The following ATAD3C variants were observed in gnomAD, a reference collection of about 807,000 sequenced individuals.
ATAD3C encodes the protein ATPase family AAA domain-containing protein 3C.
Under a neutral mutation model 46.3 loss-of-function variants are expected in ATAD3C, and 38 were observed. That is an observed-to-expected ratio of 0.82 (90% CI 0.63 to 1.08). The LOEUF (loss-of-function observed/expected upper bound fraction) is 1.08. ATAD3C is among the 50% of genes least tolerant of loss of function. The pLI is 0.00. For synonymous variants in ATAD3C, 220 were observed against 236.4 expected (o/e 0.93, Z 0.63); for missense variants, 563 against 572.7 (o/e 0.98, Z 0.17).
rs1639080719 is a variant in ATAD3C, at chr1:1,462,241, T to C, written c.981-359T>C. ...CCCTGGGCTCCCCGACACCCATGGC[T>C]GCTCGTAGCTCTGGCACCATGACCT... On this transcript the variant is annotated intron_variant, in intron 10 of 11. Coordinates refer to ENST00000378785, the MANE Select transcript of ATAD3C (RefSeq NM_001039211.3). This position sits in a 1 kb window ranked among gnomAD's most constrained non-coding sequence, Gnocchi z 4.5. 6.6e-6 allele frequency among the ~76,000 whole-genome samples: 1 copy of C among 152,070 alleles called. No individual in the cohort carries two copies. Among genetic ancestry groups the C allele is most frequent in the South Asian group, 2.1e-4 (1 of 4,816 alleles).
rs146556029 is a variant in ATAD3C at position 1,466,340 on chromosome 1, G to A, written c.1090-2044G>A. The stretch of plus-strand genomic sequence containing the variant: ...AGGCGGGTGGGTCATGAGGTCAGGA[G>A]ACTGAGACCATCCTGGCCTGGCTAA... On this transcript the variant is annotated intron_variant, in intron 11 of 11. Transcript: ENST00000378785. Among the ~76,000 whole-genome samples, 64 of 151,452 alleles carry A rather than the reference G, an allele frequency of 4.2e-4. No homozygotes were observed. In the South Asian group the frequency reaches 8.6e-3, roughly 20 times the overall value.
At position 1,462,386 on chromosome 1, in the gene ATAD3C, G is replaced by A. The variant is rs1557780970; in HGVS notation, c.981-214G>A. 2 of 504,530 alleles carry A rather than the reference G, an allele frequency of 4.0e-6. No individual in the cohort carries two copies. The highest frequency in any genetic ancestry group is 3.8e-5 in the East Asian group (1 of 26,090). 31.3% of individuals were successfully genotyped at this position (504,530 alleles called of 1,614,324 possible). ...GACAGGGCTGGTGTTAGGAAGGGGT[G>A]CGGCCATCTCCAGGCCCCACAGCCG... On this transcript the variant is annotated intron_variant, in intron 10 of 11. Coordinates refer to ENST00000378785, the MANE Select transcript of ATAD3C (RefSeq NM_001039211.3). The surrounding 1 kb of genome is among the most constrained non-coding windows in gnomAD (Gnocchi z 4.5).
rs1268702991 is a variant in ATAD3C at position 1,449,816 on chromosome 1, A to G, written c.-868A>G. On this transcript the variant is annotated 5_prime_UTR_variant, in exon 1 of 12. Transcript: ENST00000378785. ...CGGAAAATGTTGAGACCTGATGCTGAGTCCTCAGCAGCTCAGAGAATACGT... is the reference window on the plus strand; with the variant it reads ...CGGAAAATGTTGAGACCTGATGCTGGGTCCTCAGCAGCTCAGAGAATACGT... The G allele has an allele frequency of 6.6e-6, 1 of 152,026 alleles. No individual in the cohort carries two copies. The highest frequency in any genetic ancestry group is 2.4e-5 in the African/African-American group (1 of 41,434). 9.4% of individuals were successfully genotyped at this position (152,026 alleles called of 1,614,324 possible). A position where few individuals can be genotyped will look rare whatever the true frequency, so the allele number is the denominator to read the frequency against.
At position 1,450,186 on chromosome 1, in the gene ATAD3C, G is replaced by A. The variant is rs1370880767; in HGVS notation, c.-498G>A. On this transcript the variant is annotated 5_prime_UTR_variant, in exon 1 of 12. It adds an upstream start codon to the 5' untranslated region. Coordinates refer to ENST00000378785, the MANE Select transcript of ATAD3C (RefSeq NM_001039211.3). ...CTAAAACTACAAAAATTAGCCGGGT[G>A]TGGTGGCGGTCGCCTGTAGTCCCAG... The A allele has an allele frequency of 2.6e-5, 4 of 155,100 alleles. No individual in the cohort carries two copies. The East Asian group carries it at 5.7e-4, about 22-fold the overall frequency. The allele number at this position is 155,100 out of a possible 1,614,324, so 9.6% of individuals were successfully genotyped here.
In ATAD3C at chr1:1,459,275, C is replaced by A. The variant is rs762155623; in HGVS notation, c.812+44C>A. 2 of 1,604,700 alleles carry A rather than the reference C, an allele frequency of 1.2e-6. No individual in the cohort carries two copies. Among genetic ancestry groups the A allele is most frequent in the Non-Finnish European group, 1.7e-6 (2 of 1,179,596 alleles). On this transcript the variant is annotated intron_variant, in intron 9 of 11. Coordinates refer to ENST00000378785, the MANE Select transcript of ATAD3C (RefSeq NM_001039211.3). This position sits in a 1 kb window ranked among gnomAD's most constrained non-coding sequence, Gnocchi z 4.9. ...TCCTGGGCCCCCGGGCAGGGCTGTG[C>A]AGCCGTCACCCTTGGTTCCCACCGA...
chr1:1,461,604 C>T lies in ATAD3C; in HGVS notation c.980+687C>T, dbSNP rs1046122195. ...GAGTGTTGCTCTGAGACCCCCATGT[C>T]GGAATTCGAAGGAGAGTCTCCTCAT... On this transcript the variant is annotated intron_variant, in intron 10 of 11. Transcript: ENST00000378785. Among the ~76,000 whole-genome samples the T allele has an allele frequency of 5.3e-5, 8 of 151,722 alleles. 1 individual carries two copies. Among genetic ancestry groups the T allele is most frequent in the African/African-American group, 1.2e-4 (5 of 41,328 alleles).
intron 10 of ATAD3C, 31 bp downstream of exon 10, chr1:1,460,948 AGG>A (rs1639051739): frequency 6.3e-7 from 1 of 1,579,458 alleles, no homozygotes; most frequent in Admixed American, 1.7e-5. Flanking sequence ...GCCCCCGTCC[AGG>A]GGCCCTCGCT....
At chr1:1,457,619 AAAAAC>A in intron 8 of ATAD3C, among the ~76,000 whole-genome samples, 1 of 151,082 alleles carries the variant, frequency 6.6e-6, no homozygotes, top group East Asian at 1.9e-4. Flanking sequence ...AAAAAACAAA[AAAAAC>A]AGCATTTTTT....
At chr1:1,463,442 C>T (rs557171023) in intron 11 of ATAD3C, among the ~76,000 whole-genome samples, 33 of 152,236 alleles carry the variant, frequency 2.2e-4, no homozygotes, top group African/African-American at 7.7e-4. Context: ...AAGTAGCCAA[C>T]TACCTTGATT....
At chr1:1,465,451 C>T (rs1319963412) in intron 11 of ATAD3C, among the ~76,000 whole-genome samples, 10 of 151,016 alleles carry the variant, frequency 6.6e-5, no homozygotes, top group Non-Finnish European at 1.2e-4. Context: ...ATTAGCCGGG[C>T]GTGGCGGCAG....
intron 7 of ATAD3C, 98 bp from the exon 8 acceptor site, chr1:1,457,031 G>A: frequency 6.5e-7 from 1 of 1,536,680 alleles, no homozygotes; most frequent in South Asian, 1.1e-5. Context: ...GACCCCGTGG[G>A]GATCTGCCTG....
At chr1:1,460,033 G>A (rs1639029750) in intron 9 of ATAD3C, among the ~76,000 whole-genome samples, 1 of 151,698 alleles carries the variant, frequency 6.6e-6, no homozygotes, top group African/African-American at 2.4e-5. Context: ...AGTGAACCCG[G>A]GCCCCCGAGG....
intron 1 of ATAD3C, among the ~76,000 whole-genome samples, chr1:1,451,232 TG>T (rs1284016257): frequency 1.3e-5 from 2 of 151,232 alleles, no homozygotes; most frequent in East Asian, 3.9e-4. Flanking sequence ...TTAGTAGAGA[TG>T]GGGTTTCAGC....
chr1:1,466,234 T>C (rs1345062615), intron 11 of ATAD3C, among the ~76,000 whole-genome samples: 1 of 142,182 alleles, frequency 7.0e-6, no homozygotes, highest in Non-Finnish European at 1.5e-5. Flanking sequence ...AAGAGCAAAC[T>C]TCTGTCTCAA....
chr1:1,468,022 G>A (rs1261107459), intron 11 of ATAD3C, among the ~76,000 whole-genome samples: 6 of 151,886 alleles, frequency 4.0e-5, no homozygotes, highest in Admixed American at 6.6e-5. Context: ...GGTCTGAGGT[G>A]CACTATGACC....
chr1:1,464,751 A>G (rs905269599), intron 11 of ATAD3C, among the ~76,000 whole-genome samples: 1 of 151,884 alleles, frequency 6.6e-6, no homozygotes, highest in Non-Finnish European at 1.5e-5. Flanking sequence ...AGTCTGGGCT[A>G]TTCAGGATCC....
In ATAD3C at chr1:1,450,638, C is replaced by A. The variant is rs780902387; in HGVS notation, c.-46C>A. 7 of 1,587,416 alleles carry A rather than the reference C, an allele frequency of 4.4e-6. No individual in the cohort carries two copies. Among genetic ancestry groups the A allele is most frequent in the Non-Finnish European group, 6.0e-6 (7 of 1,166,372 alleles). ...GGTGTGCGTGCCTGCCCAGCGGCAT[C>A]CGTGTATCCTAACACCTGCCCTCCG... On this transcript the variant is annotated 5_prime_UTR_variant, in exon 1 of 12. Coordinates refer to ENST00000378785, the MANE Select transcript of ATAD3C (RefSeq NM_001039211.3).
At position 1,459,331 on chromosome 1, in the gene ATAD3C, G is replaced by A; in HGVS notation, c.812+100G>A. 3 of 1,577,104 alleles carry A rather than the reference G, an allele frequency of 1.9e-6. No individual in the cohort carries two copies. The highest frequency in any genetic ancestry group is 1.9e-5 in the Admixed American group (1 of 52,806). ...CTGAGGGGCCCTGGCTCACAGTGCT[G>A]GGCAGCTGCCGTGGCCTCAACGTGC... is the stretch of plus-strand genomic sequence containing the variant. On this transcript the variant is annotated intron_variant, in intron 9 of 11. Transcript: ENST00000378785. This position sits in a 1 kb window ranked among gnomAD's most constrained non-coding sequence, Gnocchi z 4.9.
At chr1:1,465,193 T>C (rs1283267811) in intron 11 of ATAD3C, among the ~76,000 whole-genome samples, 2 of 151,778 alleles carry the variant, frequency 1.3e-5, no homozygotes, top group Non-Finnish European at 2.9e-5. Context: ...CCGGTCAGTT[T>C]TCACTGTGCA....
Sources: allele counts gnomAD v4.1 joint callset (sites outside exome capture counted in the v4.1 genomes callset), GRCh38; gene constraint gnomAD v4.1.1; non-coding constraint Gnocchi (gnomAD v3.1); transcripts MANE v1.5; gene names NCBI Gene and HGNC (gene_info 2026-07-23, HGNC 2026-07-21).